The following NKAIN2 variants were observed in gnomAD, a reference collection of about 807,000 sequenced individuals.
The protein encoded by NKAIN2 is sodium/potassium transporting ATPase interacting 2.
Under a neutral mutation model 32.6 loss-of-function variants are expected in NKAIN2, and 14 were observed. The observed-to-expected ratio is 0.43, with a 90% confidence interval of 0.28 to 0.67. NKAIN2 has a LOEUF of 0.67. Among genes scored for constraint, NKAIN2 ranks in the 30% least tolerant of loss-of-function variants. NKAIN2 has a pLI of 0.17. For missense variants in NKAIN2, 198 were observed against 258.3 expected (o/e 0.77, Z 1.60); for synonymous variants, 80 against 87.2 (o/e 0.92, Z 0.46).
At chr6:123,967,453 C>A (rs1778135650) in intron 1 of NKAIN2, among the ~76,000 whole-genome samples, 1 of 152,180 alleles carries the variant, frequency 6.6e-6, no homozygotes, top group Non-Finnish European at 1.5e-5. Context: ...GTTAGACTTA[C>A]AACTTGCCCC....
chr6:124,629,833 G>A (rs993545192), intron 3 of NKAIN2, among the ~76,000 whole-genome samples: 1 of 152,118 alleles, frequency 6.6e-6, no homozygotes, highest in African/African-American at 2.4e-5. Flanking sequence ...CTTGACAAAT[G>A]TCAATTGAGA....
At chr6:124,248,203 T>C (rs907232800) in intron 1 of NKAIN2, among the ~76,000 whole-genome samples, 9 of 152,096 alleles carry the variant, frequency 5.9e-5, no homozygotes, top group African/African-American at 2.2e-4. Flanking sequence ...ATTAGGGTTC[T>C]GAGACCATTT....
At chr6:124,440,640 G>C (rs977999856) in intron 3 of NKAIN2, among the ~76,000 whole-genome samples, 2 of 152,078 alleles carry the variant, frequency 1.3e-5, no homozygotes, top group Non-Finnish European at 2.9e-5. Context: ...TTGATCCACT[G>C]TGTAGTATCA....
At chr6:124,369,255 A>G (rs2114315595) in intron 3 of NKAIN2, among the ~76,000 whole-genome samples, 1 of 152,324 alleles carries the variant, frequency 6.6e-6, no homozygotes, top group East Asian at 1.9e-4. Flanking sequence ...GTGCTTGTAT[A>G]GGTTTATTAT....
intron 3 of NKAIN2, among the ~76,000 whole-genome samples, chr6:124,445,619 CTTTG>C (rs947959691): frequency 6.6e-6 from 1 of 151,986 alleles, no homozygotes; most frequent in Non-Finnish European, 1.5e-5. Flanking sequence ...TGTAACAACA[CTTTG>C]TTTGTGATTA....
At chr6:124,052,012 G>C (rs1263168467) in intron 1 of NKAIN2, among the ~76,000 whole-genome samples, 1 of 151,990 alleles carries the variant, frequency 6.6e-6, no homozygotes, top group Non-Finnish European at 1.5e-5. Context: ...TGGACTAGGT[G>C]GTAGGTTATA....
intron 1 of NKAIN2, among the ~76,000 whole-genome samples, chr6:124,251,963 A>G (rs750825322): frequency 2.0e-5 from 3 of 152,192 alleles, no homozygotes; most frequent in Admixed American, 2.0e-4. Context: ...GATGATGAAT[A>G]TGCTAATTAT....
intron 2 of NKAIN2, among the ~76,000 whole-genome samples, chr6:124,322,929 A>G (rs1387669500): frequency 6.6e-6 from 1 of 152,164 alleles, no homozygotes; most frequent in East Asian, 1.9e-4. Context: ...CCTCACCAGC[A>G]TTTGGTATGG....
intron 3 of NKAIN2, among the ~76,000 whole-genome samples, chr6:124,456,879 A>T (rs1045821202): frequency 6.6e-6 from 1 of 151,816 alleles, no homozygotes; most frequent in Admixed American, 6.6e-5. Context: ...CTGTATTTTC[A>T]TAATTCTTTC....
At chr6:124,679,302 C>CT (rs1247263440) in intron 4 of NKAIN2, among the ~76,000 whole-genome samples, 6 of 151,998 alleles carry the variant, frequency 3.9e-5, no homozygotes, top group Non-Finnish European at 5.9e-5. Context: ...CTAAGCATCA[C>CT]TTTTTTTTCA....
chr6:124,593,704 A>T (rs1238866262), intron 3 of NKAIN2, among the ~76,000 whole-genome samples: 2 of 152,218 alleles, frequency 1.3e-5, no homozygotes, highest in African/African-American at 4.8e-5. Flanking sequence ...TGAATTTCCG[A>T]TCACTGTAGC....
At chr6:124,520,608 A>T (rs913930270) in intron 3 of NKAIN2, among the ~76,000 whole-genome samples, 1 of 152,238 alleles carries the variant, frequency 6.6e-6, no homozygotes, top group African/African-American at 2.4e-5. Context: ...GCACATAAGA[A>T]AAGGAAACAT....
chr6:124,225,284 A>G (rs1283818915), intron 1 of NKAIN2, among the ~76,000 whole-genome samples: 1 of 152,096 alleles, frequency 6.6e-6, no homozygotes, highest in Non-Finnish European at 1.5e-5. Context: ...GCAAAATTAA[A>G]TGCTGTATCT....
At chr6:124,511,724 T>G (rs1265902964) in intron 3 of NKAIN2, among the ~76,000 whole-genome samples, 2 of 152,190 alleles carry the variant, frequency 1.3e-5, no homozygotes, top group Non-Finnish European at 2.9e-5. Flanking sequence ...GCATTCATGT[T>G]CCAGGTGGAG....
At chr6:123,874,197 G>A (rs956908832) in intron 1 of NKAIN2, among the ~76,000 whole-genome samples, 2 of 152,042 alleles carry the variant, frequency 1.3e-5, no homozygotes, top group Admixed American at 6.6e-5. Context: ...GCATCCTGCC[G>A]GACTTCTAGG....
At chr6:124,641,333 G>C (rs936436262) in intron 3 of NKAIN2, among the ~76,000 whole-genome samples, 30 of 151,988 alleles carry the variant, frequency 2.0e-4, no homozygotes, top group African/African-American at 7.2e-4. Context: ...CATTTATCTG[G>C]ACCAAGAAGG....
At chr6:124,409,219 T>C (rs1774025550) in intron 3 of NKAIN2, among the ~76,000 whole-genome samples, 1 of 152,170 alleles carries the variant, frequency 6.6e-6, no homozygotes, top group Admixed American at 6.5e-5. Flanking sequence ...GGCCAGAACT[T>C]CCAACACTAT....
intron 6 of NKAIN2, among the ~76,000 whole-genome samples, chr6:124,821,168 G>A (rs1033075491): frequency 2.4e-4 from 37 of 151,900 alleles, no homozygotes; most frequent in African/African-American, 7.5e-4. Flanking sequence ...GGTGGTGCAC[G>A]CCTGTAATCC....
intron 1 of NKAIN2, among the ~76,000 whole-genome samples, chr6:124,164,849 A>T (rs1313997534): frequency 6.6e-6 from 1 of 152,078 alleles, no homozygotes; most frequent in African/African-American, 2.4e-5. Flanking sequence ...TAAAGTAACA[A>T]TGTGCATCTT....
Sources: allele counts gnomAD v4.1 joint callset (sites outside exome capture counted in the v4.1 genomes callset), GRCh38; gene constraint gnomAD v4.1.1; transcripts MANE v1.5; gene names NCBI Gene and HGNC (gene_info 2026-07-23, HGNC 2026-07-21).